GARIN3: variants seen among roughly 807,000 people sequenced by gnomAD.
GARIN3 encodes the protein Golgi-associated RAB2 interactor protein 3.
the GARIN3 span, chr5:157,165,953 C>T: frequency 6.2e-7 from 1 of 1,614,198 alleles, no homozygotes; most frequent in South Asian, 1.1e-5. Flanking sequence ...AGACGATGCC[C>T]ACTGTCACCA....
chr5:157,165,946 C>T, the GARIN3 span: 5 of 1,614,144 alleles, frequency 3.1e-6, no homozygotes, highest in South Asian at 2.2e-5. Flanking sequence ...CTGGTGCAGA[C>T]GATGCCCACT....
chr5:157,165,867 C>T, the GARIN3 span: 1 of 1,614,162 alleles, frequency 6.2e-7, no homozygotes, highest in South Asian at 1.1e-5. Context: ...CCGGCCCCAT[C>T]TGACATGCTG....
At chr5:157,161,846 T>C in the GARIN3 span, 12 of 152,758 alleles carry the variant, frequency 7.9e-5, no homozygotes, top group African/African-American at 2.7e-4. Flanking sequence ...AGTCTGTGAC[T>C]ATGTTCCAAT....
chr5:157,165,072 C>T, the GARIN3 span, among the ~76,000 whole-genome samples: 1 of 152,030 alleles, frequency 6.6e-6, no homozygotes. Flanking sequence ...ATTGGAGACT[C>T]AGAAGGGTTG....
chr5:157,162,427 G>A, the GARIN3 span: 35 of 1,607,306 alleles, frequency 2.2e-5, no homozygotes, highest in South Asian at 3.0e-4. Context: ...TCCCTGGGCG[G>A]TTGTAGCCCT....
chr5:157,165,439 GCCC>G, the GARIN3 span: 2 of 1,445,866 alleles, frequency 1.4e-6, no homozygotes, highest in Non-Finnish European at 1.8e-6. Flanking sequence ...TTGGTCCTGA[GCCC>G]TTGCACATGC....
the GARIN3 span, chr5:157,162,259 T>C: frequency 2.4e-6 from 2 of 850,052 alleles, no homozygotes; most frequent in Admixed American, 2.8e-5. Flanking sequence ...AGCTGTAGCA[T>C]AGCCACCATC....
chr5:157,163,117 C>G, the GARIN3 span: 1 of 1,614,250 alleles, frequency 6.2e-7, no homozygotes, highest in Non-Finnish European at 8.5e-7. Context: ...TGCACACTTG[C>G]TGGTCGTAAT....
the GARIN3 span, among the ~76,000 whole-genome samples, chr5:157,165,194 G>A: frequency 6.6e-6 from 1 of 152,120 alleles, no homozygotes; most frequent in Non-Finnish European, 1.5e-5. Context: ...CACACACAAA[G>A]CTACACCTAC....
the GARIN3 span, chr5:157,163,010 G>T: frequency 1.2e-6 from 2 of 1,614,244 alleles, no homozygotes; most frequent in Non-Finnish European, 1.7e-6. Context: ...GCACTGGGCT[G>T]GGAAACTTTC....
At chr5:157,165,672 C>G in the GARIN3 span, 34 of 1,614,112 alleles carry the variant, frequency 2.1e-5, no homozygotes, top group Non-Finnish European at 2.9e-5. Context: ...TTCCCAATAG[C>G]AAAAGAGATC....
chr5:157,165,773 G>A, the GARIN3 span: 7 of 1,613,840 alleles, frequency 4.3e-6, no homozygotes, highest in Non-Finnish European at 5.1e-6. Flanking sequence ...CATGATCGTG[G>A]ATGGAGATCT....
the GARIN3 span, chr5:157,165,548 C>G: frequency 2.5e-6 from 4 of 1,592,566 alleles, no homozygotes; most frequent in Admixed American, 6.9e-5. Context: ...GTTCTCGAGC[C>G]TTTGAGAGGC....
At chr5:157,162,216 T>TGG in the GARIN3 span, 1 of 601,246 alleles carries the variant, frequency 1.7e-6, no homozygotes, top group Non-Finnish European at 2.8e-6. Flanking sequence ...GGGCGGGTGG[T>TGG]GGAGCTCTAC....
chr5:157,165,174 A>G, the GARIN3 span, among the ~76,000 whole-genome samples: 2 of 152,214 alleles, frequency 1.3e-5, no homozygotes, highest in East Asian at 3.8e-4. Context: ...ACCAGTATGC[A>G]ATATAGTCAC....
the GARIN3 span, chr5:157,162,720 C>G: frequency 6.2e-7 from 1 of 1,614,228 alleles, no homozygotes; most frequent in Non-Finnish European, 8.5e-7. Flanking sequence ...GGTTCTTCCC[C>G]AGTTCCTGAG....
At chr5:157,165,599 A>G in the GARIN3 span, 1 of 1,613,558 alleles carries the variant, frequency 6.2e-7, no homozygotes, top group African/African-American at 1.3e-5. Context: ...GTGCGTCCCC[A>G]GATAGAAGTG....
chr5:157,162,066 A>G, the GARIN3 span: 1 of 243,968 alleles, frequency 4.1e-6, no homozygotes, highest in African/African-American at 2.3e-5. Context: ...GTTCAGGGGC[A>G]TTCAGGGAAA....
chr5:157,166,215 C>T, the GARIN3 span: 67 of 1,567,966 alleles, frequency 4.3e-5, 1 homozygote, highest in Middle Eastern at 1.2e-3. Context: ...ATAGAGTCCC[C>T]GAGAGAGAGA....
Sources: gnomAD v4.1 joint callset for allele counts (sites outside exome capture counted in the v4.1 genomes callset) on GRCh38, gnomAD v4.1.1 for gene constraint, MANE v1.5 for transcripts, NCBI Gene and HGNC (gene_info 2026-07-23, HGNC 2026-07-21) for gene names.